SAV1: variants seen among roughly 807,000 people sequenced by gnomAD.
SAV1 encodes the protein protein salvador homolog 1.
A neutral mutation model predicts 47.3 loss-of-function variants in SAV1; 23 were observed. The ratio of observed to expected loss-of-function variants is 0.49; its 90% confidence interval spans 0.35 to 0.69. The LOEUF is 0.69. Ranked by LOEUF, SAV1 falls within the 30% of genes least tolerant of loss-of-function variation. The pLI, the probability that SAV1 is intolerant of heterozygous loss-of-function variation, is 0.01. For synonymous variants in SAV1, 155 were observed against 159.2 expected, an observed-to-expected ratio of 0.97 and a Z score of 0.20; for missense variants, 448 against 457.4, an observed-to-expected ratio of 0.98 and a Z score of 0.19.
At chr14:50,647,606 T>A (rs1013681324) in intron 2 of SAV1, among the ~76,000 whole-genome samples, 33 of 151,190 alleles carry the variant, frequency 2.2e-4, no homozygotes, top group Admixed American at 2.0e-4. Context: ...ACGACCCAGT[T>A]AAAAAAAAGG....
At chr14:50,649,442 G>A (rs1311616579) in intron 2 of SAV1, among the ~76,000 whole-genome samples, 1 of 152,194 alleles carries the variant, frequency 6.6e-6, no homozygotes, top group Non-Finnish European at 1.5e-5. Context: ...CAGTAATAAA[G>A]ACAGTGTAGT....
At chr14:50,659,819 G>A (rs528717918) in intron 2 of SAV1, among the ~76,000 whole-genome samples, 12 of 152,200 alleles carry the variant, frequency 7.9e-5, no homozygotes, top group African/African-American at 2.4e-4. Flanking sequence ...ACTACAGCCC[G>A]GGCAACAGAG....
chr14:50,656,731 C>T (rs1282598407), intron 2 of SAV1, among the ~76,000 whole-genome samples: 3 of 152,210 alleles, frequency 2.0e-5, no homozygotes, highest in Admixed American at 6.5e-5. Flanking sequence ...CGTGAGCCAC[C>T]GTGCCCGGCC....
intron 2 of SAV1, among the ~76,000 whole-genome samples, chr14:50,648,595 C>A (rs989238222): frequency 6.6e-6 from 1 of 151,914 alleles, no homozygotes; most frequent in Non-Finnish European, 1.5e-5. Flanking sequence ...CTGGCTAACA[C>A]GGTGAAACCC....
intron 3 of SAV1, among the ~76,000 whole-genome samples, chr14:50,642,357 T>G (rs942660544): frequency 2.6e-5 from 4 of 152,070 alleles, no homozygotes; most frequent in African/African-American, 9.6e-5. Flanking sequence ...GGCTTCATGA[T>G]GCATGCCTGT....
At chr14:50,646,470 G>C (rs2039722749) in intron 2 of SAV1, among the ~76,000 whole-genome samples, 1 of 152,156 alleles carries the variant, frequency 6.6e-6, no homozygotes. Context: ...CGGATCACCT[G>C]AGGTCCGGAG....
At chr14:50,646,001 A>T (rs1373190061) in intron 2 of SAV1, among the ~76,000 whole-genome samples, 1 of 152,186 alleles carries the variant, frequency 6.6e-6, no homozygotes, top group Non-Finnish European at 1.5e-5. Context: ...TATCACATTA[A>T]CGGATTGGAA....
chr14:50,665,734 A>T, intron 1 of SAV1, 115 bp from the exon 2 acceptor site: 1 of 950,458 alleles, frequency 1.1e-6, no homozygotes, highest in Non-Finnish European at 1.5e-6. Flanking sequence ...ACTTAAGAAA[A>T]CACAATTTTA....
At chr14:50,652,499 A>G (rs1177201774) in intron 2 of SAV1, among the ~76,000 whole-genome samples, 1 of 152,242 alleles carries the variant, frequency 6.6e-6, no homozygotes, top group Non-Finnish European at 1.5e-5. Flanking sequence ...AATGCACAAT[A>G]TGAGCCTGGA....
intron 4 of SAV1, 28 bp downstream of exon 4, chr14:50,640,722 A>G: frequency 1.3e-6 from 2 of 1,593,804 alleles, no homozygotes; most frequent in Non-Finnish European, 1.7e-6. Context: ...TCACTCCTCA[A>G]ACAAATTTGT....
chr14:50,640,964 ATAATACT>A lies in SAV1; in HGVS notation c.807-78_807-72del, dbSNP rs2039677246. 6 of 1,405,906 alleles carry A rather than the reference ATAATACT, an allele frequency of 4.3e-6. No individual in the cohort carries two copies. In the Admixed American group the frequency reaches 1.3e-4, roughly 30 times the overall value. 87.1% of individuals were successfully genotyped at this position (1,405,906 alleles called of 1,614,324 possible). ...CTAAACAAGAAATTATAAAGAACAA[ATAATACT>A]TAAGCATTTTTCAGTGTGCCTTCTG... On this transcript the variant is annotated intron_variant, in intron 3 of 4. Coordinates refer to ENST00000324679, the MANE Select transcript of SAV1 (RefSeq NM_021818.4).
chr14:50,652,114 T>C (rs1243479713), intron 2 of SAV1, among the ~76,000 whole-genome samples: 5 of 152,154 alleles, frequency 3.3e-5, no homozygotes, highest in African/African-American at 1.2e-4. Flanking sequence ...AGATTTTCAG[T>C]ATGAGAAAAA....
chr14:50,644,660 A>G (rs1882164839), intron 3 of SAV1, 84 bp downstream of exon 3: 1 of 1,296,246 alleles, frequency 7.7e-7, no homozygotes, highest in Non-Finnish European at 1.1e-6. Flanking sequence ...TTAGGATGCT[A>G]TTCTCTTAGA....
Position 50,635,202 on chromosome 14 carries a change from T to G in SAV1, c.1133A>C (p.Gln378Pro). The change falls in exon 5 of 5, where the codon CAA becomes CCA. Residue 378 changes from glutamine to proline, a missense_variant. Transcript: ENST00000324679. ...ATCAGCTCAAAAATTTTTTCCATGT[T>G]GTTGGGCATACCACTGCTGTCTCTG... is the stretch of plus-strand genomic sequence containing the variant. ...RKQRQQWYAQQHGKNF is the reference protein window; with the variant it reads ...RKQRQQWYAQPHGKNF 1.2e-6 allele frequency: 2 copies of G among 1,614,080 alleles called. No individual in the cohort carries two copies. Among genetic ancestry groups the G allele is most frequent in the Non-Finnish European group, 1.7e-6 (2 of 1,180,000 alleles).
intron 4 of SAV1, among the ~76,000 whole-genome samples, chr14:50,638,908 C>T (rs7159081): frequency 0.034 from 5,146 of 152,270 alleles, 93 homozygotes; most frequent in Middle Eastern, 0.051. Flanking sequence ...GCTGGGACTA[C>T]AGGCGCGTGC....
At chr14:50,649,250 C>G (rs967286697) in intron 2 of SAV1, among the ~76,000 whole-genome samples, 1 of 152,156 alleles carries the variant, frequency 6.6e-6, no homozygotes. Flanking sequence ...TACCGTTTTA[C>G]TTTTTTAAAA....
chr14:50,665,675 C>A, intron 1 of SAV1, 56 bp from the exon 2 acceptor site: 1 of 1,442,394 alleles, frequency 6.9e-7, no homozygotes, highest in Non-Finnish European at 9.3e-7. Flanking sequence ...CAAAAGTTTT[C>A]GAAATTTGTT....
intron 2 of SAV1, 155 bp downstream of exon 2, chr14:50,665,024 A>G (rs1288301353): frequency 7.3e-6 from 7 of 956,568 alleles, no homozygotes; most frequent in Non-Finnish European, 4.5e-6. Context: ...TAGATTAACA[A>G]CTATTTGCAC....
intron 2 of SAV1, chr14:50,664,942 T>A (rs1006031698): frequency 2.1e-5 from 9 of 421,300 alleles, no homozygotes; most frequent in Admixed American, 4.4e-5. Flanking sequence ...CTAGACAGCC[T>A]TGAGATAAAT....
Sources: allele counts gnomAD v4.1 joint callset (sites outside exome capture counted in the v4.1 genomes callset), GRCh38; gene constraint gnomAD v4.1.1; transcripts MANE v1.5; gene names NCBI Gene and HGNC (gene_info 2026-07-23, HGNC 2026-07-21).